The following C6 variants were observed in gnomAD, a reference collection of about 807,000 sequenced individuals.
The protein encoded by C6 is complement component C6.
A neutral mutation model predicts 112.9 loss-of-function variants in C6; 101 were observed. The ratio of observed to expected loss-of-function variants is 0.89; its 90% CI spans 0.76 to 1.06. The LOEUF (loss-of-function observed/expected upper bound fraction) is 1.06. C6 is among the 50% of genes least tolerant of loss of function. The probability of loss-of-function intolerance (pLI) is 0.00; values close to 1 mark genes in which losing one functional copy is unlikely to be tolerated. For synonymous variants in C6, 431 were observed against 384.1 expected (o/e 1.12, Z -1.43); for missense variants, 1,202 against 1,104.6 (o/e 1.09, Z -1.25).
intron 1 of C6, among the ~76,000 whole-genome samples, chr5:41,242,199 G>T (rs1740753359): frequency 6.6e-6 from 1 of 152,130 alleles, no homozygotes; most frequent in Admixed American, 6.5e-5. Flanking sequence ...ATCCCCATGT[G>T]TCAAGGGTGG....
chr5:41,191,354 T>A (rs1031616464), intron 5 of C6, among the ~76,000 whole-genome samples: 2 of 152,090 alleles, frequency 1.3e-5, no homozygotes, highest in Non-Finnish European at 2.9e-5. Flanking sequence ...GAGCCAGCAC[T>A]CCAGGCCTGT....
At chr5:41,216,268 C>T (rs899822781), upstream of C6, among the ~76,000 whole-genome samples, 8 of 152,168 alleles carry the variant, frequency 5.3e-5, no homozygotes, top group African/African-American at 1.9e-4. Flanking sequence ...ACTATTCTCT[C>T]AATGACCACC....
At chr5:41,212,375 C>G (rs572626340) in intron 1 of C6, among the ~76,000 whole-genome samples, 2 of 151,886 alleles carry the variant, frequency 1.3e-5, no homozygotes, top group Admixed American at 1.3e-4. Flanking sequence ...TGGTCAGGCT[C>G]GTCTTGAACT....
At chr5:41,216,129 G>T (rs1293646241), upstream of C6, among the ~76,000 whole-genome samples, 1 of 152,094 alleles carries the variant, frequency 6.6e-6, no homozygotes, top group Non-Finnish European at 1.5e-5. Flanking sequence ...CACACTCTTT[G>T]TGTCTTCTCT....
intron 11 of C6, 43 bp from the exon 12 acceptor site, chr5:41,159,296 T>C (rs1382233795): frequency 2.5e-6 from 4 of 1,601,726 alleles, no homozygotes; most frequent in Admixed American, 1.7e-5. Flanking sequence ...ATGGTGCAGC[T>C]GAATTTGGGT....
At chr5:41,181,898 A>AT (rs1451903414) in intron 6 of C6, among the ~76,000 whole-genome samples, 1 of 152,182 alleles carries the variant, frequency 6.6e-6, no homozygotes, top group Non-Finnish European at 1.5e-5. Flanking sequence ...AATGAAGGTT[A>AT]TTTTTAGCAT....
At chr5:41,226,633 C>G (rs965753019) in intron 1 of C6, among the ~76,000 whole-genome samples, 2 of 152,118 alleles carry the variant, frequency 1.3e-5, no homozygotes, top group Admixed American at 6.6e-5. Flanking sequence ...GCGGCCCCTG[C>G]TAACCACCAT....
chr5:41,162,836 C>T (rs1023861382), intron 9 of C6, among the ~76,000 whole-genome samples: 8 of 151,954 alleles, frequency 5.3e-5, no homozygotes, highest in African/African-American at 9.7e-5. Flanking sequence ...AGGTATAAGG[C>T]GTAACAAAAC....
intron 1 of C6, among the ~76,000 whole-genome samples, chr5:41,249,101 A>G (rs886536798): frequency 2.6e-5 from 4 of 152,206 alleles, no homozygotes; most frequent in African/African-American, 9.6e-5. Flanking sequence ...GTAGCTAATC[A>G]TTGGGTACTT....
At chr5:41,197,639 A>G (rs1750710750) in intron 4 of C6, among the ~76,000 whole-genome samples, 1 of 152,286 alleles carries the variant, frequency 6.6e-6, no homozygotes, top group South Asian at 2.1e-4. Context: ...ATTTGTGAGA[A>G]TACAAGAAAT....
At position 41,207,573 on chromosome 5, in the gene C6, C is replaced by T. The variant is rs1751537559; in HGVS notation, c.-20-4323G>A. On this transcript the variant is annotated intron_variant, in intron 1 of 17. Coordinates refer to ENST00000337836, the MANE Select transcript of C6 (RefSeq NM_000065.5). ...GGAAAACAAAAAAAGGCAGGTGTTG[C>T]GATCCTAGTCTCTGATAAAACAGAC... Among the ~76,000 whole-genome samples, 3 of 152,108 alleles carry T rather than the reference C, an allele frequency of 2.0e-5. No individual in the cohort carries two copies. The South Asian group carries it at 6.2e-4, about 32-fold the overall frequency.
intron 1 of C6, among the ~76,000 whole-genome samples, chr5:41,236,446 G>A (rs1022691007): frequency 4.0e-5 from 6 of 150,446 alleles, no homozygotes; most frequent in African/African-American, 9.8e-5. Context: ...TCAACTACAT[G>A]GAAACTGAAC....
intron 1 of C6, among the ~76,000 whole-genome samples, chr5:41,207,064 C>A (rs544560322): frequency 1.3e-5 from 2 of 152,136 alleles, no homozygotes; most frequent in Non-Finnish European, 2.9e-5. Context: ...AGAGTAGGGG[C>A]CAATATACAA....
At chr5:41,164,705 C>T (rs1233248152) in intron 9 of C6, among the ~76,000 whole-genome samples, 1 of 152,096 alleles carries the variant, frequency 6.6e-6, no homozygotes, top group Non-Finnish European at 1.5e-5. Context: ...TTTGCAATGT[C>T]CTCTTGTTCC....
At chr5:41,181,768 G>A (rs1749370951) in intron 6 of C6, among the ~76,000 whole-genome samples, 1 of 152,152 alleles carries the variant, frequency 6.6e-6, no homozygotes. Flanking sequence ...AACACTTAAT[G>A]AGGTAAGTAC....
At chr5:41,199,443 T>A (rs1750844397) in intron 4 of C6, among the ~76,000 whole-genome samples, 1 of 152,216 alleles carries the variant, frequency 6.6e-6, no homozygotes, top group South Asian at 2.1e-4. Flanking sequence ...TTCTACATCA[T>A]CTCTAGTCAT....
chr5:41,229,100 G>A (rs994197533), intron 1 of C6, among the ~76,000 whole-genome samples: 9 of 152,002 alleles, frequency 5.9e-5, no homozygotes, highest in African/African-American at 2.2e-4. Flanking sequence ...GGGCGACAGA[G>A]CACGACTCCA....
intron 7 of C6, among the ~76,000 whole-genome samples, chr5:41,178,558 C>T (rs558308645): frequency 6.8e-6 from 1 of 148,084 alleles, no homozygotes; most frequent in South Asian, 2.1e-4. Flanking sequence ...TCATTGCAAC[C>T]TTTGCCTCCT....
chr5:41,229,961 A>C (rs1016440013), intron 1 of C6, among the ~76,000 whole-genome samples: 1 of 152,162 alleles, frequency 6.6e-6, no homozygotes, highest in African/African-American at 2.4e-5. Context: ...ATCAGTTCCC[A>C]AAATTAATAC....
Sources: gnomAD v4.1 joint callset for allele counts (sites outside exome capture counted in the v4.1 genomes callset) on GRCh38, gnomAD v4.1.1 for gene constraint, MANE v1.5 for transcripts, NCBI Gene and HGNC (gene_info 2026-07-23, HGNC 2026-07-21) for gene names.